NTM: variants seen among roughly 807,000 people sequenced by gnomAD.
The protein encoded by NTM is IgLON family member 2.
In NTM, 13 loss-of-function variants were observed where a neutral mutation model predicts 42.1. That is an observed-to-expected ratio of 0.31 (90% CI 0.20 to 0.49). NTM has a LOEUF of 0.49. Among genes scored for constraint, NTM ranks in the 20% least tolerant of loss-of-function variants. NTM has a pLI of 0.99. For missense variants in NTM, 373 were observed against 452.8 expected (o/e 0.82, Z 1.60); for synonymous variants, 187 against 179.2 (o/e 1.04, Z -0.35).
intron 1 of NTM, among the ~76,000 whole-genome samples, chr11:131,549,787 T>TG (rs2054416932): frequency 6.6e-6 from 1 of 152,214 alleles, no homozygotes; most frequent in Non-Finnish European, 1.5e-5. Context: ...GTGGAGAGGC[T>TG]GGGGAAAAAA....
intron 4 of NTM, among the ~76,000 whole-genome samples, chr11:132,276,355 C>T (rs549428310): frequency 4.6e-4 from 70 of 152,164 alleles, no homozygotes; most frequent in African/African-American, 9.2e-4. Flanking sequence ...TAGATATAGT[C>T]AATAACGGGA....
At chr11:131,855,497 AAC>A (rs1288714698) in intron 1 of NTM, among the ~76,000 whole-genome samples, 7 of 152,220 alleles carry the variant, frequency 4.6e-5, no homozygotes, top group African/African-American at 1.4e-4. Flanking sequence ...CAAAACAGAT[AAC>A]ACACAAAAAA....
At chr11:131,413,427 G>C (rs967186068) in intron 1 of NTM, among the ~76,000 whole-genome samples, 1 of 152,124 alleles carries the variant, frequency 6.6e-6, no homozygotes, top group Non-Finnish European at 1.5e-5. Context: ...TACAAGTTGC[G>C]AACAGTGCTG....
intron 1 of NTM, among the ~76,000 whole-genome samples, chr11:131,844,840 TATTA>T (rs2044716165): frequency 6.6e-6 from 1 of 152,228 alleles, no homozygotes; most frequent in African/African-American, 2.4e-5. Flanking sequence ...TAAACTCACA[TATTA>T]ATTCTAATTA....
Position 131,911,656 on chromosome 11 carries a change from G to T in NTM, c.167+8G>T. The T allele has an allele frequency of 6.2e-7, 1 of 1,614,086 alleles. No individual in the cohort carries two copies. The highest frequency in any genetic ancestry group is 8.5e-7 in the Non-Finnish European group (1 of 1,179,932). On this transcript the variant is annotated splice_region_variant and intron_variant, in intron 2 of 8. Coordinates refer to ENST00000683400, the MANE Select transcript of NTM (RefSeq NM_001352005.2). The stretch of plus-strand genomic sequence containing the variant: ...GGAGAGCGCCACCCTCAGGTAGGGA[G>T]CTGACATTGTTCTGCGAACTGATGG...
intron 2 of NTM, among the ~76,000 whole-genome samples, chr11:131,951,039 C>G (rs1374083706): frequency 6.6e-6 from 1 of 152,124 alleles, no homozygotes; most frequent in Admixed American, 6.5e-5. Context: ...TTGCTGCTGC[C>G]CAGGCTGCTT....
At chr11:132,118,781 G>C (rs1022571462) in intron 2 of NTM, among the ~76,000 whole-genome samples, 1 of 152,136 alleles carries the variant, frequency 6.6e-6, no homozygotes, top group African/African-American at 2.4e-5. Flanking sequence ...GTATGCATTA[G>C]GCTGGTTTCA....
At chr11:132,089,055 G>A (rs1323455322) in intron 2 of NTM, among the ~76,000 whole-genome samples, 2 of 152,172 alleles carry the variant, frequency 1.3e-5, no homozygotes, top group Admixed American at 1.3e-4. Flanking sequence ...TGTTGTAGCA[G>A]TAGAGAAAGA....
At chr11:132,125,371 T>TGTGTATG (rs1555271748) in intron 2 of NTM, among the ~76,000 whole-genome samples, 2 of 148,388 alleles carry the variant, frequency 1.3e-5, no homozygotes, top group African/African-American at 5.0e-5. Context: ...GTGTATGATG[T>TGTGTATG]GTGTGTGGTG....
At chr11:131,796,639 G>A (rs2091595075) in intron 1 of NTM, among the ~76,000 whole-genome samples, 1 of 152,166 alleles carries the variant, frequency 6.6e-6, no homozygotes, top group South Asian at 2.1e-4. Context: ...AACATCACAA[G>A]GCAGCATAGA....
chr11:131,702,356 C>A (rs2076162312), intron 1 of NTM, among the ~76,000 whole-genome samples: 1 of 152,190 alleles, frequency 6.6e-6, no homozygotes, highest in South Asian at 2.1e-4. Flanking sequence ...CTGCTTTTAG[C>A]ATAAATTCCT....
intron 1 of NTM, among the ~76,000 whole-genome samples, chr11:131,487,754 T>TA (rs146560566): frequency 0.066 from 10,116 of 152,184 alleles, 1,127 homozygotes; most frequent in African/African-American, 0.23. Flanking sequence ...GGGGAAGGGA[T>TA]AATGTTTTGG....
At chr11:132,278,743 T>TTC (rs66748602) in intron 4 of NTM, among the ~76,000 whole-genome samples, 13,565 of 137,586 alleles carry the variant, frequency 0.099, 856 homozygotes, top group African/African-American at 0.17. Flanking sequence ...TCATTTGGGC[T>TTC]TCTCTCTCTC....
intron 1 of NTM, among the ~76,000 whole-genome samples, chr11:131,729,865 T>C (rs2079420413): frequency 6.6e-6 from 1 of 152,250 alleles, no homozygotes; most frequent in African/African-American, 2.4e-5. Context: ...TTGGAATAGT[T>C]CTACTTTTTA....
At chr11:132,201,402 C>T (rs895213963) in intron 3 of NTM, among the ~76,000 whole-genome samples, 3 of 152,336 alleles carry the variant, frequency 2.0e-5, no homozygotes, top group South Asian at 2.1e-4. Flanking sequence ...TGCATTCTTG[C>T]TTTGGGAAAG....
chr11:131,370,796 G>A lies in NTM; in HGVS notation c.-11G>A, dbSNP rs1941055695. 1.2e-6 allele frequency: 2 copies of A among 1,607,944 alleles called. No individual in the cohort carries two copies. Among genetic ancestry groups the A allele is most frequent in the African/African-American group, 1.3e-5 (1 of 74,464 alleles). ...TGACAAAAAAGAAGAAAAAGAAGAA[G>A]AAAAAAAATCATGAAAACCATCCAG... On this transcript the variant is annotated 5_prime_UTR_variant, in exon 1 of 9. Transcript: ENST00000683400.
intron 1 of NTM, among the ~76,000 whole-genome samples, chr11:131,523,182 G>T (rs559851968): frequency 1.3e-5 from 2 of 152,326 alleles, no homozygotes; most frequent in Admixed American, 6.5e-5. Context: ...TAGTATCTCA[G>T]TGTAGGTTCT....
intron 1 of NTM, among the ~76,000 whole-genome samples, chr11:131,489,478 G>A (rs985575398): frequency 1.3e-5 from 2 of 152,232 alleles, no homozygotes; most frequent in East Asian, 1.9e-4. Context: ...GCTACTTTGC[G>A]TGTGTAAAGC....
intron 7 of NTM, among the ~76,000 whole-genome samples, chr11:132,325,343 A>G (rs2095656467): frequency 6.6e-6 from 1 of 152,180 alleles, no homozygotes; most frequent in South Asian, 2.1e-4. Context: ...AACCCCATCA[A>G]AAAGTGGGCA....
Sources: gnomAD v4.1 joint callset for allele counts (sites outside exome capture counted in the v4.1 genomes callset) on GRCh38, gnomAD v4.1.1 for gene constraint, MANE v1.5 for transcripts, NCBI Gene and HGNC (gene_info 2026-07-23, HGNC 2026-07-21) for gene names.